DRAXIN: variants seen among roughly 807,000 people sequenced by gnomAD.
DRAXIN encodes dorsal repulsive axon guidance protein.
In DRAXIN, 27 loss-of-function variants were observed where a neutral mutation model predicts 33.9. The observed-to-expected ratio is 0.80, with a 90% CI of 0.59 to 1.10. DRAXIN has a LOEUF of 1.10. Among genes scored for constraint, DRAXIN ranks in the 50% least tolerant of loss-of-function variants. The probability of loss-of-function intolerance (pLI) is 0.00; values close to 1 mark genes in which losing one functional copy is unlikely to be tolerated. For synonymous variants in DRAXIN, 178 were observed against 194.0 expected (o/e 0.92, Z 0.69); for missense variants, 371 against 460.8 (o/e 0.81, Z 1.78).
chr1:11,719,680 C>T lies in DRAXIN; in HGVS notation c.1034C>T (p.Ser345Phe), dbSNP rs147056259. 1.8e-5 allele frequency: 29 copies of T among 1,613,890 alleles called. No homozygotes were observed. In the South Asian group the frequency reaches 2.6e-4, roughly 15 times the overall value. Residue 345 changes from serine to phenylalanine, a missense_variant, in exon 7 of 7, where the codon TCC becomes TTC. Ser to Phe is a radical substitution (Grantham distance 155). Transcript: ENST00000294485. ...GAGACGGCCAACGGCGACCAGGGAT[C>T]CTTCATCAACGTCTAGCGGCCCCGC... ...EPETANGDQG[S>F]FINV is the part of the protein sequence containing the mutation.
At position 11,707,677 on chromosome 1, in the gene DRAXIN, C is replaced by T. The variant is rs192790207; in HGVS notation, c.451+968C>T. Among the ~76,000 whole-genome samples, 34 of 152,358 alleles carry T rather than the reference C, an allele frequency of 2.2e-4. 1 individual carries two copies. Among genetic ancestry groups the T allele is most frequent in the East Asian group, 1.9e-3 (10 of 5,190 alleles). On this transcript the variant is annotated intron_variant, in intron 2 of 6. Transcript: ENST00000294485. ...GGAGAGGCATCGCTTGCCTACCGCT[C>T]CTGCCTCTGCCCTGTTTGTCTCAGT...
intron 4 of DRAXIN, 80 bp downstream of exon 4, chr1:11,712,045 G>A: frequency 2.2e-6 from 3 of 1,359,742 alleles, no homozygotes; most frequent in Non-Finnish European, 3.1e-6. Context: ...GGGCCCCAGT[G>A]AGCCCTGTCT....
At position 11,709,380 on chromosome 1, in the gene DRAXIN, C is replaced by T. The variant is rs970845088; in HGVS notation, c.557C>T (p.Pro186Leu). ...AMEESSTSLA[P>L]TMFFLTTFEA... ...GAGGAATCCTCCACCAGCCTGGCGC[C>T]CACCATGTTCTTTCTCACCACCTTT... is the stretch of plus-strand genomic sequence containing the variant. The change falls in exon 3 of 7, where the codon CCC (proline) becomes CTC (leucine). Residue 186 changes from proline to leucine, a missense_variant. By Grantham distance (98) the Pro-to-Leu change is moderately conservative. Transcript: ENST00000294485. 2.5e-6 allele frequency: 4 copies of T among 1,613,754 alleles called. No homozygotes were observed. In the African/African-American group the frequency reaches 4.0e-5, roughly 16 times the overall value.
Position 11,706,724 on chromosome 1 carries a change from G to T in DRAXIN, c.451+15G>T. On this transcript the variant is annotated intron_variant, in intron 2 of 6. Coordinates refer to ENST00000294485, the MANE Select transcript of DRAXIN (RefSeq NM_198545.4). The surrounding 1 kb of genome is among the most constrained non-coding windows in gnomAD (Gnocchi z 5.5). Reference sequence around the variant, plus strand: ...GCTGCACCAAGGTAGCTGGAGGGCTGCGAGGGGTGGGGATGGGGGTGATTC... The same window carrying T: ...GCTGCACCAAGGTAGCTGGAGGGCTTCGAGGGGTGGGGATGGGGGTGATTC... 6.5e-7 allele frequency: 1 copy of T among 1,539,910 alleles called. No homozygotes were observed. Among genetic ancestry groups the T allele is most frequent in the African/African-American group, 1.4e-5 (1 of 73,638 alleles).
chr1:11,703,821 G>T (rs910672415), intron 1 of DRAXIN, among the ~76,000 whole-genome samples: 4 of 152,208 alleles, frequency 2.6e-5, no homozygotes, highest in Non-Finnish European at 5.9e-5. Context: ...CCCTGAAGCA[G>T]GATGGGTACT....
intron 6 of DRAXIN, among the ~76,000 whole-genome samples, chr1:11,716,014 C>T (rs527913684): frequency 2.6e-5 from 4 of 152,148 alleles, no homozygotes; most frequent in East Asian, 3.8e-4. Flanking sequence ...TGACTACAGG[C>T]GCATGCCACC....
Position 11,694,618 on chromosome 1 carries a change from G to A in DRAXIN, c.-11+2765G>A, listed in dbSNP as rs960842265. Among the ~76,000 whole-genome samples, 1 of 152,136 alleles carries A rather than the reference G, an allele frequency of 6.6e-6. No individual in the cohort carries two copies. Among genetic ancestry groups the A allele is most frequent in the East Asian group, 1.9e-4 (1 of 5,174 alleles). On this transcript the variant is annotated intron_variant, in intron 1 of 6. Transcript: ENST00000294485. This position sits in a 1 kb window ranked among gnomAD's most constrained non-coding sequence, Gnocchi z 4.9. The stretch of plus-strand genomic sequence containing the variant: ...CAGGGACTTGCATCCCAGCCTCCCC[G>A]AACTTCCCTCAGAGGCATGAGCATG...
rs758480861 is a variant in DRAXIN, at chr1:11,719,715, G to T, written c.*19G>T. 1.2e-6 allele frequency: 2 copies of T among 1,607,216 alleles called. No individual in the cohort carries two copies. The highest frequency in any genetic ancestry group is 1.1e-5 in the South Asian group (1 of 90,626). On this transcript the variant is annotated 3_prime_UTR_variant, in exon 7 of 7. Transcript: ENST00000294485. ...CGTCTAGCGGCCCCGCGGGACTGGG[G>T]ACTGAGCCCAGGAGGTTTGCACAAG...
chr1:11,709,186 A>G, intron 2 of DRAXIN, 89 bp from the exon 3 acceptor site: 2 of 1,348,962 alleles, frequency 1.5e-6, no homozygotes, highest in African/African-American at 3.0e-5. Context: ...GCTGCCTCCT[A>G]GTTTGCAGCA....
At chr1:11,714,642 C>T (rs180692516) in intron 5 of DRAXIN, among the ~76,000 whole-genome samples, 7 of 152,374 alleles carry the variant, frequency 4.6e-5, no homozygotes, top group African/African-American at 1.4e-4. Flanking sequence ...ATTCCCAAAC[C>T]ATTGTTTTCA....
intron 1 of DRAXIN, among the ~76,000 whole-genome samples, chr1:11,703,584 C>T (rs1050563533): frequency 6.6e-6 from 1 of 152,140 alleles, no homozygotes; most frequent in Non-Finnish European, 1.5e-5. Context: ...CAATAGGGAG[C>T]CATAGACAGT....
Position 11,696,815 on chromosome 1 carries a change from T to C in DRAXIN, c.-11+4962T>C, listed in dbSNP as rs953704307. On this transcript the variant is annotated intron_variant, in intron 1 of 6. Transcript: ENST00000294485. The surrounding 1 kb of genome is among the most constrained non-coding windows in gnomAD (Gnocchi z 4.7). ...GCCTCCTGGTTTCAGTGAGCCAAGA[T>C]CGCGCCACTGCACTCCAGCCTGGTG... 6.6e-6 allele frequency among the ~76,000 whole-genome samples: 1 copy of C among 151,890 alleles called. No individual in the cohort carries two copies. The highest frequency in any genetic ancestry group is 1.5e-5 in the Non-Finnish European group (1 of 67,976).
chr1:11,690,078 G>A (rs538999321), upstream of DRAXIN, among the ~76,000 whole-genome samples: 49 of 152,022 alleles, frequency 3.2e-4, no homozygotes, highest in African/African-American at 1.1e-3. This position sits in a 1 kb window ranked among gnomAD's most constrained non-coding sequence, Gnocchi z 4.2. Flanking sequence ...ACAACACCTC[G>A]TCCCTTCATG....
chr1:11,715,961 C>T (rs1437623857), intron 6 of DRAXIN, among the ~76,000 whole-genome samples: 1 of 152,180 alleles, frequency 6.6e-6, no homozygotes, highest in Admixed American at 6.5e-5. Context: ...CCTCTGCTTC[C>T]CAGGCTTAGG....
intron 1 of DRAXIN, among the ~76,000 whole-genome samples, chr1:11,700,320 A>C (rs1271672050): frequency 1.3e-5 from 2 of 152,258 alleles, no homozygotes; most frequent in Non-Finnish European, 2.9e-5. Flanking sequence ...GATATCAGTT[A>C]CACTCATGGA....
At chr1:11,719,358 CACCGCCCCG>C (rs1395605859) in intron 6 of DRAXIN, among the ~76,000 whole-genome samples, 2 of 152,222 alleles carry the variant, frequency 1.3e-5, no homozygotes, top group Non-Finnish European at 2.9e-5. Context: ...AGAATATGTT[CACCGCCCCG>C]ACCGCCCTGA....
intron 1 of DRAXIN, among the ~76,000 whole-genome samples, chr1:11,698,203 ACT>A (rs911938965): frequency 6.6e-6 from 1 of 151,958 alleles, no homozygotes; most frequent in Non-Finnish European, 1.5e-5. Flanking sequence ...GGGTTAGAAC[ACT>A]CTCGTTTCAA....
At chr1:11,702,152 C>T (rs1305905906) in intron 1 of DRAXIN, among the ~76,000 whole-genome samples, 1 of 151,348 alleles carries the variant, frequency 6.6e-6, no homozygotes, top group Non-Finnish European at 1.5e-5. Context: ...CGCCCACACA[C>T]ATTCACGCTC....
chr1:11,711,879 T>A lies in DRAXIN; in HGVS notation c.671T>A (p.Val224Glu), dbSNP rs781261147. Residue 224 changes from valine to glutamate, a missense_variant, in exon 4 of 7, where the codon GTG becomes GAG. Val to Glu is a moderately radical substitution (Grantham distance 121). Transcript: ENST00000294485. ...QQAQPRSDGE[V>E]MPTLDMALFD... is the part of the protein sequence containing the mutation. ...GCACAGCCCAGGTCTGACGGGGAGG[T>A]GATGCCCACGCTGGACATGGCCTTG... 6.2e-7 allele frequency: 1 copy of A among 1,613,360 alleles called. No individual in the cohort carries two copies. The highest frequency in any genetic ancestry group is 1.1e-5 in the South Asian group (1 of 90,858).
Sources: allele counts gnomAD v4.1 joint callset (sites outside exome capture counted in the v4.1 genomes callset), GRCh38; gene constraint gnomAD v4.1.1; non-coding constraint Gnocchi (gnomAD v3.1); transcripts MANE v1.5; gene names NCBI Gene and HGNC (gene_info 2026-07-23, HGNC 2026-07-21).